MAST4: variants seen among roughly 807,000 people sequenced by gnomAD.
The protein encoded by MAST4 is microtubule-associated serine/threonine-protein kinase 4.
MAST4 carries 89 observed loss-of-function variants against 162.7 expected under a neutral mutation model. The observed-to-expected ratio is 0.55, with a 90% CI of 0.46 to 0.65. The LOEUF is 0.65. MAST4 is among the 30% of genes least tolerant of loss of function. MAST4 has a pLI of 0.00. For synonymous variants in MAST4, 1,479 were observed against 1,361.1 expected (o/e 1.09, Z -1.91); for missense variants, 3,153 against 3,374.0 (o/e 0.93, Z 1.62).
intron 25 of MAST4, 70 bp downstream of exon 25, chr5:67,152,936 GAT>G (rs1772025400): frequency 1.6e-6 from 2 of 1,249,052 alleles, no homozygotes; most frequent in Admixed American, 2.1e-5. Flanking sequence ...TAGGTTGGCT[GAT>G]AAATAGCAAA....
chr5:66,741,597 A>G (rs554134508), intron 1 of MAST4, among the ~76,000 whole-genome samples: 1 of 152,308 alleles, frequency 6.6e-6, no homozygotes, highest in African/African-American at 2.4e-5. Flanking sequence ...TGTCAATAAC[A>G]GTGAAGGTCA....
chr5:66,822,441 C>T (rs1420125679), intron 3 of MAST4, among the ~76,000 whole-genome samples: 1 of 152,152 alleles, frequency 6.6e-6, no homozygotes, highest in Non-Finnish European at 1.5e-5. Flanking sequence ...AAAGGGTGCT[C>T]TTGGTTTTGT....
At chr5:66,872,345 T>C (rs1298783946) in intron 3 of MAST4, among the ~76,000 whole-genome samples, 1 of 152,072 alleles carries the variant, frequency 6.6e-6, no homozygotes, top group African/African-American at 2.4e-5. Context: ...AATTTTTGTA[T>C]TTTTAGTAGA....
In MAST4 at chr5:66,839,027, TGAG is replaced by T. The variant is rs1758233011; in HGVS notation, c.642+50238_642+50240del. Among the ~76,000 whole-genome samples the T allele has an allele frequency of 3.9e-5, 6 of 152,042 alleles. 1 individual carries two copies. The highest frequency in any genetic ancestry group is 4.2e-4 in the South Asian group (2 of 4,812). On this transcript the variant is annotated intron_variant, in intron 3 of 28. Transcript: ENST00000403625. Reference sequence around the variant, plus strand: ...AGATAAACAGCTAGGAATTTAGAAATGAGGAGGTGGTAGATGATGCTGCTGGAC... The same window carrying T: ...AGATAAACAGCTAGGAATTTAGAAATGAGGTGGTAGATGATGCTGCTGGAC...
chr5:67,077,360 A>G (rs535342765), intron 5 of MAST4, among the ~76,000 whole-genome samples: 24 of 152,180 alleles, frequency 1.6e-4, no homozygotes, highest in African/African-American at 5.3e-4. Flanking sequence ...TAAGTTCCCT[A>G]GGCTATTTTA....
At chr5:66,687,582 G>GTATA (rs564626016) in intron 1 of MAST4, among the ~76,000 whole-genome samples, 27 of 148,062 alleles carry the variant, frequency 1.8e-4, no homozygotes, top group African/African-American at 7.1e-4. Flanking sequence ...ATGTATATGT[G>GTATA]TATATATATA....
At chr5:67,128,128 G>A (rs1581659115) in intron 14 of MAST4, among the ~76,000 whole-genome samples, 1 of 152,286 alleles carries the variant, frequency 6.6e-6, no homozygotes, top group Non-Finnish European at 1.5e-5. Context: ...CATTTATTAA[G>A]ACTTTCTAAA....
Position 67,136,608 on chromosome 5 carries a change from C to G in MAST4, c.2438C>G (p.Ala813Gly), listed in dbSNP as rs1248259880. Residue 813 changes from alanine (A) to glycine (G), a missense_variant, in exon 19 of 29, where the codon GCC becomes GGC. Physicochemically the swap from Ala to Gly is moderately conservative, Grantham distance 60. Around this residue, in one of 7 missense-constraint regions of MAST4, gnomAD observed 62 missense variants for 63.1 expected, o/e 0.98. Coordinates refer to ENST00000403625, the MANE Select transcript of MAST4 (RefSeq NM_001164664.2). ...AAGGATGAGGCACCCCCACCTGATG[C>G]CCAGGATCTGATTACCTTACTCCTC... is the stretch of plus-strand genomic sequence containing the variant. ...PEKDEAPPPDAQDLITLLLRQ... is the reference protein window; with the variant it reads ...PEKDEAPPPDGQDLITLLLRQ... 6.2e-7 allele frequency: 1 copy of G among 1,607,338 alleles called. No homozygotes were observed. The highest frequency in any genetic ancestry group is 1.7e-5 in the Admixed American group (1 of 59,400).
At chr5:67,030,867 G>A (rs1755225851) in intron 4 of MAST4, among the ~76,000 whole-genome samples, 1 of 152,144 alleles carries the variant, frequency 6.6e-6, no homozygotes, top group South Asian at 2.1e-4. Context: ...GTGCTAAAGA[G>A]GCCAAGGTCA....
At chr5:66,943,660 A>G (rs1743623812) in intron 4 of MAST4, among the ~76,000 whole-genome samples, 1 of 152,062 alleles carries the variant, frequency 6.6e-6, no homozygotes, top group Non-Finnish European at 1.5e-5. Flanking sequence ...AGTACTTAAA[A>G]CTTTTTAGTA....
chr5:67,148,377 T>TA (rs556543667), intron 23 of MAST4, among the ~76,000 whole-genome samples: 1 of 152,136 alleles, frequency 6.6e-6, no homozygotes, highest in Non-Finnish European at 1.5e-5. Context: ...AAAGAAAAAG[T>TA]AGGACAAATC....
At chr5:66,637,022 A>G (rs1250146920) in intron 1 of MAST4, among the ~76,000 whole-genome samples, 1 of 152,240 alleles carries the variant, frequency 6.6e-6, no homozygotes, top group African/African-American at 2.4e-5. Context: ...GCCACTGTGG[A>G]AATGTTGGTA....
chr5:66,687,623 G>C (rs1333648803), intron 1 of MAST4, among the ~76,000 whole-genome samples: 1 of 134,580 alleles, frequency 7.4e-6, no homozygotes, highest in Non-Finnish European at 1.5e-5. Flanking sequence ...TGTATACATA[G>C]ATGTGTGTGT....
In MAST4 at chr5:67,121,061, T is replaced by G; in HGVS notation, c.1704T>G (p.Ser568Arg). ...SLKLRRKPRE[S>R]DFETIKLISN... is the part of the protein sequence containing the mutation. ...AACTTCGAAGGAAACCTCGGGAAAG[T>G]GATTTTGAAACGATTAAATTGATTA... Residue 568 changes from serine (S) to arginine (R), a missense_variant, in exon 14 of 29, where the codon AGT becomes AGG. This residue lies in a region of MAST4 where 360 missense variants were observed against 450.0 expected (regional missense o/e 0.80). Transcript: ENST00000403625. The G allele has an allele frequency of 6.2e-7, 1 of 1,611,222 alleles. No individual in the cohort carries two copies.
chr5:67,141,970 G>A lies in MAST4; in HGVS notation c.2495-145G>A, dbSNP rs973870427. Reference sequence around the variant, plus strand: ...TTATCAGAAAAACTTGTGGGGCTTTGGTTGTAGAATGAAAAAGTATGATTT... The same window carrying A: ...TTATCAGAAAAACTTGTGGGGCTTTAGTTGTAGAATGAAAAAGTATGATTT... On this transcript the variant is annotated intron_variant, in intron 19 of 28. Transcript: ENST00000403625. 3 of 845,224 alleles carry A rather than the reference G, an allele frequency of 3.5e-6. No homozygotes were observed. The African/African-American group carries it at 5.1e-5, about 14-fold the overall frequency. 52.4% of individuals were successfully genotyped at this position (845,224 alleles called of 1,614,324 possible).
intron 19 of MAST4, among the ~76,000 whole-genome samples, chr5:67,137,760 G>A (rs547779469): frequency 1.2e-4 from 19 of 152,310 alleles, no homozygotes; most frequent in South Asian, 2.1e-4. Context: ...TAAATAAAGC[G>A]TTACTGAAAC....
rs1742179567 is a variant in MAST4 at position 66,596,431 on chromosome 5, C to A, written c.-225C>A. Reference sequence around the variant, plus strand: ...GATCGCGGACCCGAGCGGGCATGTCCCCGCGCGCGGGAGCCTCCGTTTGCG... The same window carrying A: ...GATCGCGGACCCGAGCGGGCATGTCACCGCGCGCGGGAGCCTCCGTTTGCG... On this transcript the variant is annotated 5_prime_UTR_variant, in exon 1 of 29. Transcript: ENST00000403625. 3 of 443,532 alleles carry A rather than the reference C, an allele frequency of 6.8e-6. No individual in the cohort carries two copies. The South Asian group carries it at 3.0e-4, about 45-fold the overall frequency. 27.5% of individuals were successfully genotyped at this position (443,532 alleles called of 1,614,324 possible).
intron 1 of MAST4, among the ~76,000 whole-genome samples, chr5:66,718,174 C>CTT (rs200133080): frequency 7.4e-6 from 1 of 134,348 alleles, no homozygotes; most frequent in African/African-American, 2.8e-5. Flanking sequence ...GTTTTTTTTT[C>CTT]TTTTTTTTTT....
intron 12 of MAST4, among the ~76,000 whole-genome samples, chr5:67,118,322 C>T (rs1488253039): frequency 6.6e-6 from 1 of 152,150 alleles, no homozygotes; most frequent in East Asian, 1.9e-4. Flanking sequence ...CTTTGATGCC[C>T]GCCAGAGCCT....
Sources: gnomAD v4.1 joint callset for allele counts (sites outside exome capture counted in the v4.1 genomes callset) on GRCh38, gnomAD v4.1.1 for gene constraint, gnomAD v4.1.1 regional missense constraint, MANE v1.5 for transcripts, NCBI Gene and HGNC (gene_info 2026-07-23, HGNC 2026-07-21) for gene names.